Variants in DPH6 observed in about 807,000 individuals in gnomAD.
The protein encoded by DPH6 is diphthine--ammonia ligase.
In DPH6, 33 loss-of-function variants were observed where a neutral mutation model predicts 38.2. The observed-to-expected ratio is 0.86, with a 90% CI of 0.65 to 1.15. The LOEUF (loss-of-function observed/expected upper bound fraction) is 1.15, where lower values mean the gene tolerates loss of function less well. Among genes scored for constraint, DPH6 ranks in the 50% most tolerant of loss-of-function variants. The pLI, the probability that DPH6 is intolerant of heterozygous loss-of-function variation, is 0.00. For missense variants in DPH6, 325 were observed against 320.0 expected (o/e 1.02, Z -0.12); for synonymous variants, 108 against 103.0 (o/e 1.05, Z -0.30).
At chr15:35,490,309 T>C (rs1208562637) in intron 3 of DPH6, 2 of 392,338 alleles carry the variant, frequency 5.1e-6, no homozygotes, top group African/African-American at 4.4e-5. Context: ...TGTGAGTAAC[T>C]AATACATGAA....
chr15:35,363,958 T>C (rs536583879), intron 3 of DPH6, among the ~76,000 whole-genome samples: 12 of 152,150 alleles, frequency 7.9e-5, no homozygotes, highest in Non-Finnish European at 1.6e-4. Flanking sequence ...TTTTATTTAA[T>C]TCTATGTAGA....
chr15:35,492,226 T>G (rs1422201579), intron 3 of DPH6, among the ~76,000 whole-genome samples: 1 of 152,102 alleles, frequency 6.6e-6, no homozygotes, highest in Non-Finnish European at 1.5e-5. Context: ...TCCAACACAT[T>G]GCGGGGAGGG....
chr15:35,254,611 G>A (rs1007828726), intron 3 of DPH6, among the ~76,000 whole-genome samples: 6 of 152,152 alleles, frequency 3.9e-5, no homozygotes, highest in African/African-American at 1.4e-4. Flanking sequence ...GTTTACAGTT[G>A]CACTTTGGAA....
At chr15:35,299,224 C>T (rs2052036818) in intron 3 of DPH6, 2 of 1,226,214 alleles carry the variant, frequency 1.6e-6, no homozygotes, top group Non-Finnish European at 2.4e-6. Context: ...CCAGCTGGCA[C>T]ATGCGGTGGT....
the DPH6 span, among the ~76,000 whole-genome samples, chr15:35,169,930 T>C: frequency 4.6e-5 from 7 of 152,200 alleles, no homozygotes; most frequent in African/African-American, 1.7e-4. Flanking sequence ...AGGAAATGCA[T>C]TTTAAAAGCT....
downstream of DPH6, among the ~76,000 whole-genome samples, chr15:35,327,336 CTTTT>C (rs376483680): frequency 7.8e-6 from 1 of 127,806 alleles, no homozygotes. Context: ...GAAAAGGTTC[CTTTT>C]TTTTTTTTTT....
chr15:35,228,616 G>A (rs542527266), intron 3 of DPH6, among the ~76,000 whole-genome samples: 42 of 152,166 alleles, frequency 2.8e-4, no homozygotes, highest in African/African-American at 6.5e-4. Flanking sequence ...TTGTAGAGAC[G>A]GGGTTTCAGC....
chr15:35,410,926 T>C (rs1004677248), intron 5 of DPH6, 30 bp from the exon 6 acceptor site: 10 of 1,591,386 alleles, frequency 6.3e-6, no homozygotes, highest in Admixed American at 1.7e-5. Context: ...TTTTTAAAGA[T>C]AACTATCAGA....
chr15:35,400,695 C>A, intron 6 of DPH6: 1 of 677,802 alleles, frequency 1.5e-6, no homozygotes, highest in Non-Finnish European at 2.7e-6. Context: ...GCCATCATGT[C>A]TAAGTCAGAG....
At chr15:35,327,477 T>C (rs1187696833), downstream of DPH6, among the ~76,000 whole-genome samples, 4 of 151,816 alleles carry the variant, frequency 2.6e-5, no homozygotes, top group East Asian at 1.9e-4. Flanking sequence ...TCCTGAGTAG[T>C]TGGGACCACA....
At chr15:35,317,449 A>G (rs534886211) in intron 3 of DPH6, among the ~76,000 whole-genome samples, 1 of 150,872 alleles carries the variant, frequency 6.6e-6, no homozygotes, top group East Asian at 1.9e-4. Flanking sequence ...GAGAGAGAGA[A>G]AAAGAAGGAA....
At chr15:35,155,506 A>T in the DPH6 span, among the ~76,000 whole-genome samples, 20 of 152,330 alleles carry the variant, frequency 1.3e-4, no homozygotes, top group Non-Finnish European at 2.6e-4. Flanking sequence ...CTCTTTGTCC[A>T]CTGCTCTTTC....
At chr15:35,410,186 C>T (rs2053346866) in intron 6 of DPH6, among the ~76,000 whole-genome samples, 1 of 151,588 alleles carries the variant, frequency 6.6e-6, no homozygotes, top group Non-Finnish European at 1.5e-5. Context: ...TTCTTTTTTC[C>T]ATCATCATGG....
the DPH6 span, among the ~76,000 whole-genome samples, chr15:35,192,914 A>G: frequency 3.6e-3 from 546 of 152,300 alleles, 1 homozygote; most frequent in African/African-American, 0.013. Flanking sequence ...GTTGCTTTCT[A>G]GAAACTGCCA....
In DPH6 at chr15:35,500,080, A is replaced by G. The variant is rs76116539; in HGVS notation, c.312+38194T>C. Among the ~76,000 whole-genome samples, 775 of 152,326 alleles carry G rather than the reference A, an allele frequency of 5.1e-3. 4 individuals are homozygous for G. Among genetic ancestry groups the G allele is most frequent in the Non-Finnish European group, 8.8e-3 (601 of 68,024 alleles). On this transcript the variant is annotated intron_variant, in intron 3 of 8. Transcript: ENST00000256538. ...ATATTTTTCTAAGTTTACTCCTATCATGAATGAGGAATATTTTGGTCCAAA... is the reference window on the plus strand; with the variant it reads ...ATATTTTTCTAAGTTTACTCCTATCGTGAATGAGGAATATTTTGGTCCAAA...
intron 3 of DPH6, among the ~76,000 whole-genome samples, chr15:35,229,112 T>C (rs1034755109): frequency 6.6e-5 from 10 of 152,194 alleles, no homozygotes; most frequent in African/African-American, 2.4e-4. Flanking sequence ...AAAAATTCTC[T>C]GTTATTATTG....
At chr15:35,405,041 T>TAAC (rs1229334461) in intron 6 of DPH6, among the ~76,000 whole-genome samples, 17 of 152,088 alleles carry the variant, frequency 1.1e-4, no homozygotes, top group Admixed American at 1.1e-3. Flanking sequence ...TACAGGTGTG[T>TAAC]AGATTTGTTT....
At chr15:35,252,872 GT>G (rs2051683902) in intron 3 of DPH6, among the ~76,000 whole-genome samples, 1 of 152,184 alleles carries the variant, frequency 6.6e-6, no homozygotes, top group Non-Finnish European at 1.5e-5. Context: ...TGATGTTATA[GT>G]TAGAAAACTT....
At chr15:35,338,639 C>G (rs552294789) in intron 3 of DPH6, among the ~76,000 whole-genome samples, 72 of 152,204 alleles carry the variant, frequency 4.7e-4, no homozygotes, top group African/African-American at 1.4e-3. Context: ...CCTCAGGGAT[C>G]TAGAACTAGA....
Sources: gnomAD v4.1 joint callset for allele counts (sites outside exome capture counted in the v4.1 genomes callset) on GRCh38, gnomAD v4.1.1 for gene constraint, MANE v1.5 for transcripts, NCBI Gene and HGNC (gene_info 2026-07-23, HGNC 2026-07-21) for gene names.